Variants in CEP170 observed in about 807,000 individuals in gnomAD.
CEP170 encodes centrosomal protein of 170 kDa.
CEP170 carries 21 observed loss-of-function variants against 151.9 expected under a neutral mutation model. The observed-to-expected ratio is 0.14, with a 90% CI of 0.10 to 0.20. The LOEUF (loss-of-function observed/expected upper bound fraction) is 0.20, where lower values mean the gene tolerates loss of function less well. Ranked by LOEUF, CEP170 falls within the 10% of genes least tolerant of loss-of-function variation. The pLI is 1.00. For synonymous variants in CEP170, 356 were observed against 648.8 expected (o/e 0.55, Z 6.86); for missense variants, 964 against 1,892.9 (o/e 0.51, Z 9.11).
chr1:243,170,650 C>T (rs1167963362), intron 11 of CEP170, among the ~76,000 whole-genome samples: 3 of 151,742 alleles, frequency 2.0e-5, no homozygotes, highest in African/African-American at 4.8e-5. Flanking sequence ...AAAAATTAGC[C>T]GGGCGTGGTG....
At chr1:243,202,025 A>G (rs1263060551) in intron 4 of CEP170, among the ~76,000 whole-genome samples, 2 of 152,180 alleles carry the variant, frequency 1.3e-5, no homozygotes, top group East Asian at 3.8e-4. Context: ...TAATGTCTAA[A>G]TTGCAAACAT....
intron 17 of CEP170, among the ~76,000 whole-genome samples, chr1:243,134,590 T>C (rs1249004125): frequency 1.3e-5 from 2 of 152,068 alleles, no homozygotes; most frequent in Non-Finnish European, 2.9e-5. Flanking sequence ...TCTGAACTCA[T>C]GAGCTCCAGT....
chr1:243,221,291 G>T (rs1429439346), intron 3 of CEP170, among the ~76,000 whole-genome samples: 1 of 152,216 alleles, frequency 6.6e-6, no homozygotes, highest in Non-Finnish European at 1.5e-5. Flanking sequence ...CCAAAGGGCT[G>T]GGATGACAGG....
chr1:243,137,947 A>G (rs1048113795), intron 16 of CEP170, among the ~76,000 whole-genome samples: 1 of 152,172 alleles, frequency 6.6e-6, no homozygotes, highest in African/African-American at 2.4e-5. Flanking sequence ...TGTCAAGGAA[A>G]GGATAAATAA....
In CEP170 at chr1:243,200,845, G is replaced by A; in HGVS notation, c.275-10C>T. ...GTGAAAAGATTTGTATGTAAACGGG[G>A]CTAAGGAAGAATATAACCTCAAATT... On this transcript the variant is annotated splice_polypyrimidine_tract_variant and intron_variant, in intron 4 of 19. Coordinates refer to ENST00000366542, the MANE Select transcript of CEP170 (RefSeq NM_014812.3). 6.2e-7 allele frequency: 1 copy of A among 1,600,448 alleles called. No individual in the cohort carries two copies. Among genetic ancestry groups the A allele is most frequent in the Non-Finnish European group, 8.5e-7 (1 of 1,176,334 alleles).
intron 1 of CEP170, chr1:243,254,531 G>T (rs2066362664): frequency 6.8e-6 from 1 of 146,644 alleles, no homozygotes; most frequent in African/African-American, 2.5e-5. Flanking sequence ...CTCGCCAACC[G>T]CCTCACACCC....
At chr1:243,182,112 T>A (rs1283913272) in intron 10 of CEP170, among the ~76,000 whole-genome samples, 1 of 151,964 alleles carries the variant, frequency 6.6e-6, no homozygotes, top group Non-Finnish European at 1.5e-5. Flanking sequence ...TTCTTGTTCT[T>A]ATGGGAATGG....
chr1:243,151,415 A>C (rs1418408016), intron 14 of CEP170, among the ~76,000 whole-genome samples: 1 of 151,466 alleles, frequency 6.6e-6, no homozygotes. Context: ...TAAAAGTGCT[A>C]CTCTAGTGAA....
intron 1 of CEP170, among the ~76,000 whole-genome samples, chr1:243,240,182 T>C (rs1352517110): frequency 6.6e-6 from 1 of 152,088 alleles, no homozygotes; most frequent in Non-Finnish European, 1.5e-5. Context: ...TGGTGGCACA[T>C]GCCTGTAATC....
chr1:243,178,050 G>C (rs1298947458), intron 10 of CEP170, among the ~76,000 whole-genome samples: 2 of 152,110 alleles, frequency 1.3e-5, no homozygotes, highest in East Asian at 3.9e-4. Context: ...GGAATGGGCA[G>C]GGAGTGGTGG....
At chr1:243,220,015 T>G (rs1227719404) in intron 3 of CEP170, among the ~76,000 whole-genome samples, 1 of 152,216 alleles carries the variant, frequency 6.6e-6, no homozygotes, top group Non-Finnish European at 1.5e-5. Flanking sequence ...GAATCAAAAT[T>G]GCTAACATTC....
intron 1 of CEP170, among the ~76,000 whole-genome samples, chr1:243,226,064 T>TAG (rs1200903610): frequency 3.7e-5 from 2 of 54,016 alleles, no homozygotes; most frequent in Non-Finnish European, 1.2e-4. Flanking sequence ...TCTAGATATA[T>TAG]ATATCTATAT....
At chr1:243,228,070 AT>A (rs1433462916) in intron 1 of CEP170, among the ~76,000 whole-genome samples, 1 of 152,180 alleles carries the variant, frequency 6.6e-6, no homozygotes, top group Non-Finnish European at 1.5e-5. Flanking sequence ...ACTTGTAAAT[AT>A]TTTCCCATTC....
chr1:243,233,094 T>C (rs1321941880), intron 1 of CEP170, among the ~76,000 whole-genome samples: 1 of 152,214 alleles, frequency 6.6e-6, no homozygotes, highest in Non-Finnish European at 1.5e-5. Context: ...CGGTTGTCTC[T>C]TTCTTATTCT....
At chr1:243,249,339 GC>G (rs1314889734) in intron 1 of CEP170, among the ~76,000 whole-genome samples, 2 of 151,904 alleles carry the variant, frequency 1.3e-5, no homozygotes, top group Non-Finnish European at 2.9e-5. Flanking sequence ...TATTGCTTAA[GC>G]CCAGCGGGTC....
At chr1:243,215,105 G>A (rs540298335) in intron 3 of CEP170, among the ~76,000 whole-genome samples, 16 of 152,160 alleles carry the variant, frequency 1.1e-4, no homozygotes, top group African/African-American at 3.9e-4. Context: ...AAGATTTCAT[G>A]GACATTTTAT....
intron 1 of CEP170, among the ~76,000 whole-genome samples, chr1:243,236,736 A>T (rs1171997355): frequency 8.5e-5 from 13 of 152,210 alleles, no homozygotes; most frequent in Non-Finnish European, 1.8e-4. Context: ...CACTAGGAGC[A>T]GGAAAAGCCA....
chr1:243,215,685 A>C (rs4565697), intron 3 of CEP170, among the ~76,000 whole-genome samples: 49,997 of 151,878 alleles, frequency 0.33, 8,480 homozygotes, highest in South Asian at 0.54. Flanking sequence ...AGCATTTTTA[A>C]TTTCACCTGG....
chr1:243,124,874 T>C lies in CEP170; in HGVS notation c.*1575A>G, dbSNP rs551251780. The C allele has an allele frequency of 2.0e-5, 3 of 150,138 alleles. No individual in the cohort carries two copies. In the East Asian group the frequency reaches 6.1e-4, roughly 30 times the overall value. 9.3% of individuals were successfully genotyped at this position (150,138 alleles called of 1,614,324 possible). ...TTAGCTTTACAAGGAGAATAGTTCA[T>C]TTACCTTTTTTTTTTTGTATTTAAA... On this transcript the variant is annotated 3_prime_UTR_variant, in exon 20 of 20. Coordinates refer to ENST00000366542, the MANE Select transcript of CEP170 (RefSeq NM_014812.3).
Sources: gnomAD v4.1 joint callset for allele counts (sites outside exome capture counted in the v4.1 genomes callset) on GRCh38, gnomAD v4.1.1 for gene constraint, MANE v1.5 for transcripts, NCBI Gene and HGNC (gene_info 2026-07-23, HGNC 2026-07-21) for gene names.